SNAP91: variants seen among roughly 807,000 people sequenced by gnomAD.
SNAP91 encodes clathrin coat assembly protein AP180.
Under a neutral mutation model 100.3 loss-of-function variants are expected in SNAP91, and 27 were observed. The observed-to-expected ratio is 0.27, with a 90% CI of 0.20 to 0.37. SNAP91 has a LOEUF of 0.37. Among genes scored for constraint, SNAP91 ranks in the 10% least tolerant of loss-of-function variants. The probability of loss-of-function intolerance (pLI) is 1.00; values close to 1 mark genes in which losing one functional copy is unlikely to be tolerated. For synonymous variants in SNAP91, 404 were observed against 398.6 expected (o/e 1.01, Z -0.16); for missense variants, 986 against 1,123.7 (o/e 0.88, Z 1.75).
At chr6:83,639,326 T>C (rs1056515133) in intron 8 of SNAP91, among the ~76,000 whole-genome samples, 1 of 152,172 alleles carries the variant, frequency 6.6e-6, no homozygotes, top group African/African-American at 2.4e-5. Flanking sequence ...TCAACACTGG[T>C]ATTCAAACAT....
At chr6:83,631,486 C>T (rs1312877120) in intron 8 of SNAP91, among the ~76,000 whole-genome samples, 2 of 151,944 alleles carry the variant, frequency 1.3e-5, no homozygotes, top group Admixed American at 6.6e-5. Flanking sequence ...TTTCTTAGGT[C>T]TATTAGTAAT....
intron 5 of SNAP91, among the ~76,000 whole-genome samples, chr6:83,660,824 G>A (rs1178463358): frequency 1.3e-5 from 2 of 151,374 alleles, no homozygotes; most frequent in African/African-American, 4.9e-5. Context: ...GGTTGCCCAG[G>A]CTGGAGTGCA....
chr6:83,661,599 C>A lies in SNAP91; in HGVS notation c.355G>T (p.Asp119Tyr). 6.4e-7 allele frequency: 1 copy of A among 1,569,548 alleles called. No homozygotes were observed. The highest frequency in any genetic ancestry group is 8.7e-7 in the Non-Finnish European group (1 of 1,147,574). ...TAGCGCCTTATGAAGGTAGACATAT[C>A]ATAACCTGGGAGAGTGGAAAGAAGA... ...FLDKSGSHGYDMSTFIRRYSR... is the reference protein window; with the variant it reads ...FLDKSGSHGYYMSTFIRRYSR... Residue 119 changes from aspartate to tyrosine, a missense_variant, in exon 5 of 30, where the codon GAT (aspartate) becomes TAT (tyrosine). This residue lies in a region of SNAP91 where 330 missense variants were observed against 447.5 expected (regional missense o/e 0.74). Coordinates refer to ENST00000369694, the MANE Select transcript of SNAP91 (RefSeq NM_001242792.2).
At chr6:83,692,473 C>T (rs952599887) in intron 2 of SNAP91, among the ~76,000 whole-genome samples, 5 of 151,636 alleles carry the variant, frequency 3.3e-5, no homozygotes, top group Admixed American at 6.6e-5. Flanking sequence ...TGAGATCTCA[C>T]CATTGCACTC....
At chr6:83,706,506 C>T (rs924398693) in intron 2 of SNAP91, among the ~76,000 whole-genome samples, 1 of 152,236 alleles carries the variant, frequency 6.6e-6, no homozygotes, top group Non-Finnish European at 1.5e-5. Flanking sequence ...GTACTTTCCC[C>T]TCCGATGAGC....
intron 16 of SNAP91, among the ~76,000 whole-genome samples, chr6:83,596,858 C>T (rs1415806156): frequency 6.6e-6 from 1 of 152,020 alleles, no homozygotes; most frequent in Non-Finnish European, 1.5e-5. Context: ...ATGTGTTTAG[C>T]CACTGTACTG....
chr6:83,656,036 A>G (rs73751570), intron 7 of SNAP91, among the ~76,000 whole-genome samples: 4,208 of 152,324 alleles, frequency 0.028, 190 homozygotes, highest in African/African-American at 0.093. Flanking sequence ...TAATATATCT[A>G]TCTAATTTTC....
chr6:83,642,164 A>AC (rs78702705), intron 7 of SNAP91, among the ~76,000 whole-genome samples: 3 of 151,390 alleles, frequency 2.0e-5, no homozygotes, highest in Admixed American at 6.6e-5. Context: ...AAAATATGCT[A>AC]TTTTTTCAGT....
At chr6:83,653,123 AT>A (rs926635445) in intron 7 of SNAP91, among the ~76,000 whole-genome samples, 11 of 152,018 alleles carry the variant, frequency 7.2e-5, no homozygotes, top group Non-Finnish European at 1.3e-4. Context: ...ATGTGGTTTG[AT>A]GTCTGACATT....
At chr6:83,597,501 T>C (rs1295098937) in intron 16 of SNAP91, among the ~76,000 whole-genome samples, 1 of 152,236 alleles carries the variant, frequency 6.6e-6, no homozygotes, top group Admixed American at 6.5e-5. Flanking sequence ...CTGTCAGTTT[T>C]TCAACCAGCT....
chr6:83,622,405 A>C (rs1405540607), intron 9 of SNAP91, among the ~76,000 whole-genome samples: 2 of 151,770 alleles, frequency 1.3e-5, no homozygotes, highest in East Asian at 3.9e-4. Flanking sequence ...CAAATTACTA[A>C]ATGCACTTTG....
intron 8 of SNAP91, among the ~76,000 whole-genome samples, chr6:83,633,741 G>A (rs1381755953): frequency 6.6e-6 from 1 of 152,178 alleles, no homozygotes; most frequent in Non-Finnish European, 1.5e-5. Context: ...CCCAGCAACA[G>A]CACTGAATGT....
At chr6:83,594,929 A>G (rs2094288690) in intron 16 of SNAP91, among the ~76,000 whole-genome samples, 1 of 152,238 alleles carries the variant, frequency 6.6e-6, no homozygotes, top group Non-Finnish European at 1.5e-5. Flanking sequence ...TTTAATGCCA[A>G]TAAAATTAAA....
At chr6:83,680,176 T>G (rs1383288731) in intron 2 of SNAP91, among the ~76,000 whole-genome samples, 1 of 152,112 alleles carries the variant, frequency 6.6e-6, no homozygotes, top group Non-Finnish European at 1.5e-5. Flanking sequence ...GAGTTTATCA[T>G]ATTACTTCCC....
At chr6:83,625,905 G>T (rs1244399312) in intron 8 of SNAP91, among the ~76,000 whole-genome samples, 2 of 151,952 alleles carry the variant, frequency 1.3e-5, no homozygotes, top group Non-Finnish European at 2.9e-5. Flanking sequence ...AATTTTTGTT[G>T]CAATTGCTTT....
chr6:83,601,714 T>G (rs1562292430), intron 14 of SNAP91, 115 bp from the exon 15 acceptor site: 1 of 922,776 alleles, frequency 1.1e-6, no homozygotes, highest in Non-Finnish European at 1.8e-6. Flanking sequence ...CTTAGCTTTA[T>G]GTGTCTTCTA....
chr6:83,593,339 C>A, intron 18 of SNAP91, 80 bp from the exon 19 acceptor site: 1 of 1,517,290 alleles, frequency 6.6e-7, no homozygotes, highest in South Asian at 1.2e-5. Flanking sequence ...CCTTAATTAG[C>A]ACTTTGAAGA....
chr6:83,576,195 G>T, intron 24 of SNAP91, 142 bp from the exon 25 acceptor site: 2 of 478,936 alleles, frequency 4.2e-6, no homozygotes, highest in Non-Finnish European at 7.4e-6. Context: ...ATACAGAAAA[G>T]AAACTATATT....
Position 83,647,394 on chromosome 6 carries a change from T to C in SNAP91, c.659-6192A>G, listed in dbSNP as rs142012067. ...TCTATTCTTAGTTCACTGATAATTT[T>C]TGTCATGAATGGGTGTTGGATTTCA... On this transcript the variant is annotated intron_variant, in intron 7 of 29. Transcript: ENST00000369694. 3.3e-5 allele frequency among the ~76,000 whole-genome samples: 5 copies of C among 152,268 alleles called. 1 individual carries two copies. The East Asian group carries it at 7.7e-4, about 23-fold the overall frequency.
Sources: allele counts gnomAD v4.1 joint callset (sites outside exome capture counted in the v4.1 genomes callset), GRCh38; gene constraint gnomAD v4.1.1; regional missense constraint gnomAD v4.1.1; transcripts MANE v1.5; gene names NCBI Gene and HGNC (gene_info 2026-07-23, HGNC 2026-07-21).